Variants in TOMM20 observed in about 807,000 individuals in gnomAD.
The protein encoded by TOMM20 is mitochondrial import receptor subunit TOM20 homolog.
In TOMM20, 10 loss-of-function variants were observed where a neutral mutation model predicts 22.1. The observed-to-expected ratio is 0.45, with a 90% CI of 0.28 to 0.77. The LOEUF is 0.77. Among genes scored for constraint, TOMM20 ranks in the 30% least tolerant of loss-of-function variants. The pLI, the probability that TOMM20 is intolerant of heterozygous loss-of-function variation, is 0.13. For missense variants in TOMM20, 121 were observed against 172.2 expected (o/e 0.70, Z 1.66); for synonymous variants, 55 against 61.4 (o/e 0.90, Z 0.49).
intron 3 of TOMM20, among the ~76,000 whole-genome samples, chr1:235,119,024 C>G (rs1208574772): frequency 6.6e-6 from 1 of 152,226 alleles, no homozygotes; most frequent in Non-Finnish European, 1.5e-5. Flanking sequence ...CTCATTCACA[C>G]ACAAATGCCC....
intron 3 of TOMM20, among the ~76,000 whole-genome samples, chr1:235,114,654 G>C (rs1660802456): frequency 6.6e-6 from 1 of 151,644 alleles, no homozygotes; most frequent in East Asian, 1.9e-4. Flanking sequence ...AGCCAAGATG[G>C]TCTCCATCTC....
At chr1:235,128,084 G>A (rs908574367) in intron 1 of TOMM20, 1 of 333,682 alleles carries the variant, frequency 3.0e-6, no homozygotes, top group Non-Finnish European at 6.0e-6. Context: ...TGAGGCAGGA[G>A]AAGCGCTTGA....
Position 235,128,689 on chromosome 1 carries a change from G to T in TOMM20, c.27C>A (p.Ala9=). 1 of 1,614,082 alleles carries T rather than the reference G, an allele frequency of 6.2e-7. No individual in the cohort carries two copies. Among genetic ancestry groups the T allele is most frequent in the South Asian group, 1.1e-5 (1 of 91,082 alleles). The part of the protein sequence containing the change: MVGRNSAI[A]AGVCGALFIG... Reference sequence around the variant, plus strand: ...TGAAAAGGGCCCCGCATACACCGGCGGCGATGGCGCTGTTCCGACCCACCA... The same window carrying T: ...TGAAAAGGGCCCCGCATACACCGGCTGCGATGGCGCTGTTCCGACCCACCA... The change falls in exon 1 of 5, where the codon GCC becomes GCA. Residue 9 remains alanine, a synonymous_variant. Coordinates refer to ENST00000366607, the MANE Select transcript of TOMM20 (RefSeq NM_014765.3).
intron 2 of TOMM20, among the ~76,000 whole-genome samples, chr1:235,120,637 T>C (rs1660916291): frequency 6.6e-6 from 1 of 151,720 alleles, no homozygotes; most frequent in Admixed American, 6.6e-5. Flanking sequence ...TGTAGTGCAG[T>C]AGTGTGATCA....
intron 1 of TOMM20, among the ~76,000 whole-genome samples, chr1:235,123,335 A>G (rs566103417): frequency 6.6e-6 from 1 of 152,122 alleles, no homozygotes; most frequent in Non-Finnish European, 1.5e-5. Context: ...AAATACAAAA[A>G]TTAGCCGGGC....
intron 4 of TOMM20, 124 bp downstream of exon 4, chr1:235,113,644 C>T: frequency 8.1e-7 from 1 of 1,234,788 alleles, no homozygotes; most frequent in Non-Finnish European, 1.1e-6. Context: ...TGATATCTCC[C>T]ATATTGTTTT....
At chr1:235,128,477 G>A in intron 1 of TOMM20, 118 bp downstream of exon 1, 5 of 1,519,544 alleles carry the variant, frequency 3.3e-6, no homozygotes, top group Non-Finnish European at 4.5e-6. Flanking sequence ...GCCTATTGAG[G>A]GCCGCACCAC....
chr1:235,113,899 T>G lies in TOMM20; in HGVS notation c.262A>C (p.Lys88Gln), dbSNP rs1412365803. Residue 88 changes from lysine (K) to glutamine (Q), a missense_variant, in exon 4 of 5, where the codon AAG becomes CAG. By Grantham distance (53) the Lys-to-Gln change is moderately conservative. Transcript: ENST00000366607. ...GCATTTGTCAGATGGTCTACGCCCT[T>G]CTCATATTCACCTGTAAGATTTACA... is the stretch of plus-strand genomic sequence containing the variant. ...EELLAQGEYE[K>Q]GVDHLTNAIA... is the part of the protein sequence containing the mutation. 15 of 1,584,662 alleles carry G rather than the reference T, an allele frequency of 9.5e-6. No individual in the cohort carries two copies. The highest frequency in any genetic ancestry group is 1.3e-5 in the Non-Finnish European group (15 of 1,164,834).
At chr1:235,112,192 T>A in intron 4 of TOMM20, 84 bp from the exon 5 acceptor site, 3 of 1,087,390 alleles carry the variant, frequency 2.8e-6, no homozygotes, top group Non-Finnish European at 4.0e-6. Flanking sequence ...CTCTTTGTAT[T>A]CAAAGAATTG....
chr1:235,114,446 T>G (rs984280351), intron 3 of TOMM20, among the ~76,000 whole-genome samples: 2 of 150,190 alleles, frequency 1.3e-5, no homozygotes, highest in South Asian at 4.2e-4. Context: ...TTTCTTTTTT[T>G]TTTTTTTTTT....
Position 235,109,483 on chromosome 1 carries a change from T to G in TOMM20, c.*2581A>C, listed in dbSNP as rs1239049744. On this transcript the variant is annotated 3_prime_UTR_variant, in exon 5 of 5. Coordinates refer to ENST00000366607, the MANE Select transcript of TOMM20 (RefSeq NM_014765.3). ...CAATCTCTTCTGCAATAACATCTCA[T>G]TAACACTCTGGTCCACATGTTGATT... The G allele has an allele frequency of 1.3e-5, 2 of 152,236 alleles. No homozygotes were observed. Among genetic ancestry groups the G allele is most frequent in the Non-Finnish European group, 2.9e-5 (2 of 68,040 alleles). 9.4% of individuals were successfully genotyped at this position (152,236 alleles called of 1,614,324 possible).
intron 1 of TOMM20, among the ~76,000 whole-genome samples, 155 bp downstream of exon 1, chr1:235,128,440 C>A (rs1424191664): frequency 1.3e-5 from 2 of 152,240 alleles, no homozygotes; most frequent in African/African-American, 4.8e-5. Context: ...GCACTAGAGC[C>A]CCCGGAGCGG....
rs760353412 is a variant in TOMM20 at position 235,113,730 on chromosome 1, C to A, written c.393+38G>T. On this transcript the variant is annotated intron_variant, in intron 4 of 4. Coordinates refer to ENST00000366607, the MANE Select transcript of TOMM20 (RefSeq NM_014765.3). ...TGTCCCTAATCATTCGATTCTAAAT[C>A]CCACTCACTTTTATGTCATAACATT... 1.3e-6 allele frequency: 2 copies of A among 1,570,728 alleles called. 1 individual carries two copies. The highest frequency in any genetic ancestry group is 2.4e-5 in the South Asian group (2 of 84,934).
chr1:235,127,831 G>C (rs371743378), intron 1 of TOMM20: 2 of 518,872 alleles, frequency 3.9e-6, no homozygotes, highest in African/African-American at 3.9e-5. Context: ...ATAAGACTGA[G>C]CCACGGGAGA....
intron 2 of TOMM20, among the ~76,000 whole-genome samples, chr1:235,121,947 C>G (rs1031653218): frequency 1.3e-5 from 2 of 152,092 alleles, no homozygotes; most frequent in Non-Finnish European, 2.9e-5. Flanking sequence ...GAAATAATAA[C>G]CCATGGTTCT....
At chr1:235,117,087 A>T (rs1323313941) in intron 3 of TOMM20, among the ~76,000 whole-genome samples, 1 of 130,270 alleles carries the variant, frequency 7.7e-6, no homozygotes, top group Non-Finnish European at 1.6e-5. Flanking sequence ...GTGAGCGGAG[A>T]TCGCGCCACT....
chr1:235,120,511 C>T (rs991472458), intron 2 of TOMM20, among the ~76,000 whole-genome samples: 2 of 151,844 alleles, frequency 1.3e-5, no homozygotes, highest in African/African-American at 2.4e-5. Context: ...ATGATCCACC[C>T]GCCTCGGCCT....
rs565611702 is a variant in TOMM20, at chr1:235,111,998, C to G, written c.*66G>C. ...CATATTTGCCCTTATTCCCCCAGAGCTGCTCAACTACCAAGAATTTTTAAA... is the reference window on the plus strand; with the variant it reads ...CATATTTGCCCTTATTCCCCCAGAGGTGCTCAACTACCAAGAATTTTTAAA... On this transcript the variant is annotated 3_prime_UTR_variant, in exon 5 of 5. Coordinates refer to ENST00000366607, the MANE Select transcript of TOMM20 (RefSeq NM_014765.3). 3.6e-6 allele frequency: 5 copies of G among 1,398,054 alleles called. No individual in the cohort carries two copies. The highest frequency in any genetic ancestry group is 5.0e-6 in the Non-Finnish European group (5 of 994,794). The allele number at this position is 1,398,054 out of a possible 1,614,324, so 86.6% of individuals were successfully genotyped here.
rs777905861 is a variant in TOMM20, at chr1:235,128,575, G to T, written c.121+20C>A. On this transcript the variant is annotated intron_variant, in intron 1 of 4. Coordinates refer to ENST00000366607, the MANE Select transcript of TOMM20 (RefSeq NM_014765.3). Reference sequence around the variant, plus strand: ...GGCCGAAGGCAGCAAGCCTGGCCAGGGGAGAGAGGACCCACTCACGTTCTC... The same window carrying T: ...GGCCGAAGGCAGCAAGCCTGGCCAGTGGAGAGAGGACCCACTCACGTTCTC... 1.2e-6 allele frequency: 2 copies of T among 1,611,876 alleles called. No homozygotes were observed. The highest frequency in any genetic ancestry group is 1.1e-5 in the South Asian group (1 of 90,994).
Sources: allele counts gnomAD v4.1 joint callset (sites outside exome capture counted in the v4.1 genomes callset), GRCh38; gene constraint gnomAD v4.1.1; transcripts MANE v1.5; gene names NCBI Gene and HGNC (gene_info 2026-07-23, HGNC 2026-07-21).